CFAP92: variants seen among roughly 807,000 people sequenced by gnomAD.
The protein encoded by CFAP92 is cilia and flagella associated protein 92 (putative), also known as uncharacterized protein CFAP92.
In CFAP92, 86 loss-of-function variants were observed where a neutral mutation model predicts 106.3. The observed-to-expected ratio is 0.81, with a 90% CI of 0.68 to 0.97. The LOEUF (loss-of-function observed/expected upper bound fraction) is 0.97, where lower values mean the gene tolerates loss of function less well. Ranked by LOEUF, CFAP92 falls within the 50% of genes least tolerant of loss-of-function variation. The probability of loss-of-function intolerance (pLI) is 0.00; values close to 1 mark genes in which losing one functional copy is unlikely to be tolerated. For missense variants in CFAP92, 1,204 were observed against 1,283.8 expected (o/e 0.94, Z 0.95); for synonymous variants, 477 against 506.4 (o/e 0.94, Z 0.78).
At chr3:128,975,738 CTA>C in intron 7 of CFAP92, 39 bp downstream of exon 7, 1 of 1,409,874 alleles carries the variant, frequency 7.1e-7, no homozygotes, top group Non-Finnish European at 9.7e-7. Context: ...TATTCCAAGT[CTA>C]GTTATATTAT....
intron 10 of CFAP92, among the ~76,000 whole-genome samples, chr3:128,936,107 C>T (rs1015140962): frequency 3.3e-5 from 5 of 151,886 alleles, no homozygotes; most frequent in African/African-American, 1.2e-4. Context: ...CCCTGGCACT[C>T]GCGGTCTGCA....
intron 12 of CFAP92, among the ~76,000 whole-genome samples, chr3:128,925,626 ATAAG>A (rs747750717): frequency 5.3e-5 from 8 of 152,236 alleles, no homozygotes; most frequent in Non-Finnish European, 8.8e-5. Flanking sequence ...GAAGATGAAT[ATAAG>A]TAATATCTGA....
chr3:128,982,500 CT>C (rs1200466215), intron 4 of CFAP92, among the ~76,000 whole-genome samples: 1 of 152,184 alleles, frequency 6.6e-6, no homozygotes, highest in Non-Finnish European at 1.5e-5. Context: ...GTTTCACTTT[CT>C]TATCATTCCT....
At position 128,916,087 on chromosome 3, in the gene CFAP92, A is replaced by C. The variant is rs2107678508; in HGVS notation, c.2916+20T>G. On this transcript the variant is annotated intron_variant, in intron 13 of 15. Transcript: ENST00000645291. ...CTCATGGGATTTGCCAACTGCCATC[A>C]TCCTGTCTGGGTCTCTCACCTTGGC... is the stretch of plus-strand genomic sequence containing the variant. 8.1e-7 allele frequency: 1 copy of C among 1,232,298 alleles called. No individual in the cohort carries two copies. Among genetic ancestry groups the C allele is most frequent in the South Asian group, 4.1e-5 (1 of 24,312 alleles). 76.3% of individuals were successfully genotyped at this position (1,232,298 alleles called of 1,614,324 possible). A position where few individuals can be genotyped will look rare whatever the true frequency, so the allele number is the denominator to read the frequency against.
At chr3:128,910,717 C>A in intron 15 of CFAP92, 1 of 1,613,968 alleles carries the variant, frequency 6.2e-7, no homozygotes, top group African/African-American at 1.3e-5. Context: ...TTGGGCATAT[C>A]TTTTCTGTCC....
intron 11 of CFAP92, among the ~76,000 whole-genome samples, chr3:128,933,302 C>T (rs1196198253): frequency 2.6e-5 from 4 of 152,224 alleles, no homozygotes; most frequent in Non-Finnish European, 5.9e-5. Context: ...GGACACAGCC[C>T]CACCAGCTGC....
At chr3:129,014,230 G>A in the CFAP92 span, among the ~76,000 whole-genome samples, 9 of 152,246 alleles carry the variant, frequency 5.9e-5, no homozygotes, top group Admixed American at 3.9e-4. The surrounding 1 kb of genome is among the most constrained non-coding windows in gnomAD (Gnocchi z 4.3). Flanking sequence ...CTCTCAGTGC[G>A]TTACGCTGTT....
intron 10 of CFAP92, among the ~76,000 whole-genome samples, chr3:128,937,485 A>T (rs1423539299): frequency 6.6e-6 from 1 of 151,900 alleles, no homozygotes; most frequent in South Asian, 2.1e-4. Flanking sequence ...CTGTAGTTCC[A>T]GCTACTTGGG....
chr3:128,951,747 C>T lies in CFAP92; in HGVS notation c.1354-5772G>A, dbSNP rs142014651. Among the ~76,000 whole-genome samples, 38 of 152,268 alleles carry T rather than the reference C, an allele frequency of 2.5e-4. No homozygotes were observed. In the East Asian group the frequency reaches 6.4e-3, roughly 25 times the overall value. ...TTTTAGGCAAATAACCTCCCTACCCCAGACACACACCATGGAAAAAATCAT... is the reference window on the plus strand; with the variant it reads ...TTTTAGGCAAATAACCTCCCTACCCTAGACACACACCATGGAAAAAATCAT... On this transcript the variant is annotated intron_variant, in intron 9 of 15. Coordinates refer to ENST00000645291, the MANE Select transcript of CFAP92 (RefSeq NM_001394090.1).
At chr3:129,026,008 G>A in the CFAP92 span, among the ~76,000 whole-genome samples, 2 of 152,228 alleles carry the variant, frequency 1.3e-5, no homozygotes, top group Non-Finnish European at 2.9e-5. Flanking sequence ...CACCTCTCCC[G>A]CGGTGCGGCT....
In CFAP92 at chr3:128,911,399, C is replaced by T. The variant is rs529588903; in HGVS notation, c.3281-1066G>A. 1.8e-4 allele frequency among the ~76,000 whole-genome samples: 28 copies of T among 152,050 alleles called. No homozygotes were observed. In the East Asian group the frequency reaches 2.0e-3, roughly 11 times the overall value. ...GATTGAGCAAGTGCAGAGCCCTTTG[C>T]GCAGGACCCCTGGCATCTGCCCAGC... On this transcript the variant is annotated intron_variant, in intron 15 of 15. Coordinates refer to ENST00000645291, the MANE Select transcript of CFAP92 (RefSeq NM_001394090.1).
the CFAP92 span, among the ~76,000 whole-genome samples, chr3:129,014,784 T>C: frequency 6.6e-6 from 1 of 152,154 alleles, no homozygotes; most frequent in East Asian, 1.9e-4. The surrounding 1 kb of genome is among the most constrained non-coding windows in gnomAD (Gnocchi z 4.3). Context: ...GGGCACAAGC[T>C]TGGCTTGTCT....
At chr3:129,002,922 G>A (rs1164943877), upstream of CFAP92, among the ~76,000 whole-genome samples, 1 of 152,182 alleles carries the variant, frequency 6.6e-6, no homozygotes, top group Non-Finnish European at 1.5e-5. Flanking sequence ...GACCCGCTCT[G>A]GGCTATTGAG....
In CFAP92 at chr3:128,976,971, A is replaced by T. The variant is rs760710359; in HGVS notation, c.896+8T>A. 6 of 1,611,212 alleles carry T rather than the reference A, an allele frequency of 3.7e-6. No homozygotes were observed. Among genetic ancestry groups the T allele is most frequent in the Non-Finnish European group, 5.1e-6 (6 of 1,177,516 alleles). On this transcript the variant is annotated splice_region_variant and intron_variant, in intron 6 of 15. Transcript: ENST00000645291. ...CTCCCACCACCCAAAATATCGTTCAATCCTTACTGAATCGTGGAAGAATCG... is the reference window on the plus strand; with the variant it reads ...CTCCCACCACCCAAAATATCGTTCATTCCTTACTGAATCGTGGAAGAATCG...
chr3:129,007,657 G>A (rs767225746), upstream of CFAP92, among the ~76,000 whole-genome samples: 3 of 152,208 alleles, frequency 2.0e-5, no homozygotes, highest in African/African-American at 4.8e-5. Context: ...CCTTGGGGTT[G>A]GGAGTGGTTT....
chr3:128,993,481 C>G, intron 1 of CFAP92, 145 bp from the exon 2 acceptor site: 1 of 733,952 alleles, frequency 1.4e-6, no homozygotes, highest in Non-Finnish European at 2.2e-6. Context: ...TCCTTCACTG[C>G]CTGCCACACA....
At chr3:128,959,163 T>C (rs943913063) in intron 9 of CFAP92, among the ~76,000 whole-genome samples, 30 of 151,998 alleles carry the variant, frequency 2.0e-4, no homozygotes, top group Non-Finnish European at 4.3e-4. Context: ...TGAGCTGAGA[T>C]TGCACCCCTG....
chr3:128,991,235 T>A (rs1356500781), intron 2 of CFAP92, among the ~76,000 whole-genome samples: 2 of 152,362 alleles, frequency 1.3e-5, no homozygotes, highest in South Asian at 2.1e-4. Flanking sequence ...CAGGCTCTTT[T>A]GCTTTATAGC....
intron 1 of CFAP92, chr3:129,001,576 C>A: frequency 1.5e-6 from 2 of 1,346,828 alleles, no homozygotes; most frequent in Non-Finnish European, 1.9e-6. Context: ...CTGGAAGTGG[C>A]GGGGCGAAGG....
Sources: gnomAD v4.1 joint callset for allele counts (sites outside exome capture counted in the v4.1 genomes callset) on GRCh38, gnomAD v4.1.1 for gene constraint, Gnocchi (gnomAD v3.1) non-coding constraint, MANE v1.5 for transcripts, NCBI Gene and HGNC (gene_info 2026-07-23, HGNC 2026-07-21) for gene names.